The following ANKRD30BL variants were observed in gnomAD, a reference collection of about 807,000 sequenced individuals.
ANKRD30BL encodes ankyrin repeat domain 30B like.
Under a neutral mutation model 18.4 loss-of-function variants are expected in ANKRD30BL, and 20 were observed. That is an observed-to-expected ratio of 1.09 (90% confidence interval 0.77 to 1.58). ANKRD30BL has a LOEUF of 1.58. ANKRD30BL is among the 40% of genes most tolerant of loss of function. ANKRD30BL has a pLI of 0.00. For synonymous variants in ANKRD30BL, 72 were observed against 100.9 expected (o/e 0.71, Z 1.72); for missense variants, 224 against 268.6 (o/e 0.83, Z 1.16).
intron 1 of ANKRD30BL, among the ~76,000 whole-genome samples, chr2:132,224,424 A>G (rs1285940961): frequency 6.6e-6 from 1 of 152,134 alleles, no homozygotes; most frequent in Admixed American, 6.6e-5. Context: ...TAGAATCTGC[A>G]AGTGGATATT....
chr2:132,163,351 T>A (rs531591515), upstream of ANKRD30BL, among the ~76,000 whole-genome samples: 45 of 152,042 alleles, frequency 3.0e-4, no homozygotes, highest in African/African-American at 1.1e-3. Context: ...CTTGGGAGAT[T>A]GATTGTGGCA....
intron 1 of ANKRD30BL, among the ~76,000 whole-genome samples, chr2:132,194,755 T>A (rs1298700376): frequency 2.6e-5 from 4 of 152,166 alleles, no homozygotes; most frequent in African/African-American, 9.7e-5. Context: ...TTAATTCAAG[T>A]CATATGATCA....
Position 132,205,965 on chromosome 2 carries a change from C to T in ANKRD30BL, n.442-48819G>A, listed in dbSNP as rs191037341. Among the ~76,000 whole-genome samples, 8 of 152,140 alleles carry T rather than the reference C, an allele frequency of 5.3e-5. No individual in the cohort carries two copies. In the East Asian group the frequency reaches 1.6e-3, roughly 30 times the overall value. ...CACAACATCAGCAGTTCAAGACCAG[C>T]CTGGCCAAGATGTGAAACCCCATCT... On this transcript the variant is annotated intron_variant and non_coding_transcript_variant, in intron 1 of 4. Transcript: ENST00000470729.
Position 132,161,523 on chromosome 2 carries a change from C to T in ANKRD30BL, c.183G>A (p.Thr61=), listed in dbSNP as rs1021405541. The T allele has an allele frequency of 2.1e-6, 3 of 1,456,662 alleles. No individual in the cohort carries two copies. Among genetic ancestry groups the T allele is most frequent in the Admixed American group, 2.0e-5 (1 of 50,834 alleles). 90.2% of individuals were successfully genotyped at this position (1,456,662 alleles called of 1,614,324 possible). A position where few individuals can be genotyped will look rare whatever the true frequency, so the allele number is the denominator to read the frequency against. Reference sequence around the variant, plus strand: ...CATCTCTTATGTTCAGGTCCATTGTCGTCTTCTTCATCATCCTCTCCAGCT... The same window carrying T: ...CATCTCTTATGTTCAGGTCCATTGTTGTCTTCTTCATCATCCTCTCCAGCT... The part of the protein sequence containing the change: ...AWKLERMMKK[T]TMDLNIRDAK... Residue 61 remains threonine, a synonymous_variant, in exon 1 of 6, where the codon ACG becomes ACA. Coordinates refer to ENST00000409867, the MANE Select transcript of ANKRD30BL (RefSeq NM_001358416.1).
At chr2:132,247,045 G>T (rs1573891646) in intron 1 of ANKRD30BL, among the ~76,000 whole-genome samples, 2 of 151,702 alleles carry the variant, frequency 1.3e-5, no homozygotes, top group African/African-American at 2.4e-5. Context: ...ATCTCACAGA[G>T]TTGAACATTC....
chr2:132,212,839 C>A (rs896014381), intron 1 of ANKRD30BL, among the ~76,000 whole-genome samples: 3 of 151,122 alleles, frequency 2.0e-5, no homozygotes, highest in African/African-American at 7.3e-5. Flanking sequence ...AGCATTCTGA[C>A]AAACTCCTTT....
intron 1 of ANKRD30BL, among the ~76,000 whole-genome samples, chr2:132,182,762 C>T (rs1263382503): frequency 6.6e-6 from 1 of 152,032 alleles, no homozygotes; most frequent in African/African-American, 2.4e-5. Flanking sequence ...GGTGGTGGCT[C>T]AGTGTTCACT....
At chr2:132,196,948 C>G (rs1390697379) in intron 1 of ANKRD30BL, among the ~76,000 whole-genome samples, 1 of 152,098 alleles carries the variant, frequency 6.6e-6, no homozygotes, top group Non-Finnish European at 1.5e-5. Flanking sequence ...GTCAGAAAGA[C>G]CAGTCAAGAA....
At chr2:132,193,752 C>A (rs971922746) in intron 1 of ANKRD30BL, among the ~76,000 whole-genome samples, 1 of 151,588 alleles carries the variant, frequency 6.6e-6, no homozygotes, top group African/African-American at 2.4e-5. Context: ...TAGGAAGAAT[C>A]TACAGGTTCA....
chr2:132,201,674 A>C (rs1290025751), intron 1 of ANKRD30BL, among the ~76,000 whole-genome samples: 2 of 152,180 alleles, frequency 1.3e-5, no homozygotes, highest in Admixed American at 1.3e-4. Context: ...AGAAATAGGA[A>C]CACTTTTACA....
chr2:132,154,507 A>AT (rs1213232339), intron 4 of ANKRD30BL, among the ~76,000 whole-genome samples, 155 bp downstream of exon 4: 1 of 152,198 alleles, frequency 6.6e-6, no homozygotes, highest in Non-Finnish European at 1.5e-5. Flanking sequence ...ACCAGTCCAA[A>AT]TAATTGCTTT....
chr2:132,245,923 G>T lies in ANKRD30BL; in HGVS notation n.441+11606C>A, dbSNP rs1236063843. Among the ~76,000 whole-genome samples the T allele has an allele frequency of 2.7e-5, 4 of 150,730 alleles. No homozygotes were observed. In the East Asian group the frequency reaches 7.9e-4, roughly 30 times the overall value. ...GAGTATTTGAAATTGGACATTTGGA[G>T]CACTTTGAGGCCTATGGTGAAAAAG... is the stretch of plus-strand genomic sequence containing the variant. On this transcript the variant is annotated intron_variant and non_coding_transcript_variant, in intron 1 of 4. Transcript: ENST00000470729.
chr2:132,164,665 G>A (rs542824547), upstream of ANKRD30BL, among the ~76,000 whole-genome samples: 171 of 152,224 alleles, frequency 1.1e-3, no homozygotes, highest in African/African-American at 3.8e-3. Flanking sequence ...TACATTTGTA[G>A]TACTTTAGAT....
chr2:132,226,239 A>G (rs1049451268), intron 1 of ANKRD30BL, among the ~76,000 whole-genome samples: 2 of 151,188 alleles, frequency 1.3e-5, no homozygotes, highest in African/African-American at 4.9e-5. Flanking sequence ...TGTGCATTCA[A>G]TTCACAGAGT....
In ANKRD30BL at chr2:132,202,043, C is replaced by CA. The variant is rs761554903; in HGVS notation, n.442-44898dup. Among the ~76,000 whole-genome samples the CA allele has an allele frequency of 6.6e-5, 10 of 151,870 alleles. No individual in the cohort carries two copies. The East Asian group carries it at 1.5e-3, about 23-fold the overall frequency. On this transcript the variant is annotated intron_variant and non_coding_transcript_variant, in intron 1 of 4. Coordinates refer to the ANKRD30BL transcript ENST00000470729. ...CATTCTCAGTAAACTATCGCAAGAA[C>CA]AAAAAACCAAACACCGCATATTCTC...
intron 1 of ANKRD30BL, among the ~76,000 whole-genome samples, chr2:132,224,395 C>T (rs1407205620): frequency 1.3e-5 from 2 of 151,376 alleles, no homozygotes; most frequent in Non-Finnish European, 2.9e-5. Flanking sequence ...TTTCATAGAG[C>T]CTTTTGAAAC....
At chr2:132,173,422 C>T (rs1452033998) in intron 1 of ANKRD30BL, among the ~76,000 whole-genome samples, 5 of 151,308 alleles carry the variant, frequency 3.3e-5, no homozygotes, top group African/African-American at 1.2e-4. Flanking sequence ...ACCTCAGCAT[C>T]CTAAGTAGCT....
intron 1 of ANKRD30BL, among the ~76,000 whole-genome samples, chr2:132,161,199 C>T (rs1203866593): frequency 6.6e-6 from 1 of 151,850 alleles, no homozygotes; most frequent in Non-Finnish European, 1.5e-5. Flanking sequence ...AAATTCTCTA[C>T]ACAGTGCTCT....
intron 1 of ANKRD30BL, among the ~76,000 whole-genome samples, chr2:132,213,047 T>C (rs1573848372): frequency 1.3e-5 from 2 of 151,768 alleles, no homozygotes; most frequent in East Asian, 3.9e-4. Context: ...TCTCACAGAG[T>C]TTAACATAAC....
Sources: allele counts gnomAD v4.1 joint callset (sites outside exome capture counted in the v4.1 genomes callset), GRCh38; gene constraint gnomAD v4.1.1; transcripts MANE v1.5; gene names NCBI Gene and HGNC (gene_info 2026-07-23, HGNC 2026-07-21).